AIG1: variants seen among roughly 807,000 people sequenced by gnomAD.
AIG1 encodes androgen induced 1.
In AIG1, 23 loss-of-function variants were observed where a neutral mutation model predicts 31.4. That is an observed-to-expected ratio of 0.73 (90% CI 0.53 to 1.04). The LOEUF is 1.04. Among genes scored for constraint, AIG1 ranks in the 50% least tolerant of loss-of-function variants. The pLI is 0.00. For missense variants in AIG1, 274 were observed against 295.0 expected (o/e 0.93, Z 0.52); for synonymous variants, 100 against 110.5 (o/e 0.90, Z 0.60).
chr6:143,206,938 G>A (rs1219525590), intron 3 of AIG1, among the ~76,000 whole-genome samples: 4 of 152,080 alleles, frequency 2.6e-5, no homozygotes, highest in African/African-American at 9.7e-5. Flanking sequence ...AAAATAGAAG[G>A]CATTTCTCTT....
chr6:143,182,713 A>C (rs764890522), intron 3 of AIG1, among the ~76,000 whole-genome samples: 1 of 152,230 alleles, frequency 6.6e-6, no homozygotes, highest in Non-Finnish European at 1.5e-5. Context: ...TGGAATTTCC[A>C]TAGGGTAGGG....
In AIG1 at chr6:143,060,892, C is replaced by T. The variant is rs202230415; in HGVS notation, c.-34C>T. ...CGGCGCCTCCCTCACGCCCGCCCTC[C>T]TTGCCGCCCAGCCGGTCCAGGCCTC... is the stretch of plus-strand genomic sequence containing the variant. On this transcript the variant is annotated 5_prime_UTR_variant, in exon 1 of 6. Coordinates refer to ENST00000357847, the MANE Select transcript of AIG1 (RefSeq NM_016108.4). The T allele has an allele frequency of 1.5e-3, 2,180 of 1,426,262 alleles. 44 individuals carry two copies. The South Asian group carries it at 0.02, about 13-fold the overall frequency. 88.4% of individuals were successfully genotyped at this position (1,426,262 alleles called of 1,614,324 possible).
rs116040181 is a variant in AIG1 at position 143,258,138 on chromosome 6, G to A, written c.400-25972G>A. ...CTAGGTATCCCTACTGACAAAGGCCGGACATTTCTCACTAGAATTAACCAT... is the reference window on the plus strand; with the variant it reads ...CTAGGTATCCCTACTGACAAAGGCCAGACATTTCTCACTAGAATTAACCAT... On this transcript the variant is annotated intron_variant, in intron 3 of 5. Transcript: ENST00000357847. This position sits in a 1 kb window ranked among gnomAD's most constrained non-coding sequence, Gnocchi z 4.7. Among the ~76,000 whole-genome samples, 1,087 of 152,226 alleles carry A rather than the reference G, an allele frequency of 7.1e-3. 8 individuals are homozygous for A. Among genetic ancestry groups the A allele is most frequent in the African/African-American group, 0.025 (1,020 of 41,532 alleles).
intron 2 of AIG1, among the ~76,000 whole-genome samples, chr6:143,160,219 G>T (rs1407952074): frequency 6.6e-6 from 1 of 152,000 alleles, no homozygotes; most frequent in Non-Finnish European, 1.5e-5. Flanking sequence ...CTTCTTCATG[G>T]CGAATTTCTC....
At chr6:143,067,959 G>T (rs1408113818) in intron 1 of AIG1, among the ~76,000 whole-genome samples, 1 of 152,158 alleles carries the variant, frequency 6.6e-6, no homozygotes, top group African/African-American at 2.4e-5. Context: ...AGAATTGTGA[G>T]AATAATGCTT....
chr6:143,239,965 G>A (rs1460291661), intron 3 of AIG1, among the ~76,000 whole-genome samples: 1 of 152,208 alleles, frequency 6.6e-6, no homozygotes, highest in East Asian at 1.9e-4. Context: ...TAACACTAGA[G>A]GTTCCAGGTA....
intron 3 of AIG1, among the ~76,000 whole-genome samples, chr6:143,264,925 T>C (rs1446261800): frequency 1.3e-5 from 2 of 152,222 alleles, no homozygotes; most frequent in Non-Finnish European, 2.9e-5. Context: ...TACTGACATT[T>C]GCAGCTTCGC....
At chr6:143,267,594 C>G (rs757894680) in intron 3 of AIG1, among the ~76,000 whole-genome samples, 2 of 152,132 alleles carry the variant, frequency 1.3e-5, no homozygotes, top group Admixed American at 1.3e-4. Context: ...ATTCTTGAAG[C>G]TGAAAAGATT....
intron 3 of AIG1, among the ~76,000 whole-genome samples, chr6:143,238,679 C>T (rs1015837586): frequency 5.9e-5 from 9 of 152,234 alleles, no homozygotes; most frequent in African/African-American, 2.2e-4. Flanking sequence ...GACACGCTAG[C>T]AATGGCCATT....
chr6:143,322,846 G>A (rs956709503), intron 4 of AIG1, among the ~76,000 whole-genome samples: 3 of 152,206 alleles, frequency 2.0e-5, no homozygotes, highest in Admixed American at 1.3e-4. Context: ...GGGATGGGCG[G>A]AGGGACTTGT....
At chr6:143,210,768 A>T (rs1791524328) in intron 3 of AIG1, among the ~76,000 whole-genome samples, 1 of 152,180 alleles carries the variant, frequency 6.6e-6, no homozygotes, top group Admixed American at 6.5e-5. Context: ...AGAGAAACCA[A>T]CATGGCAGAG....
At chr6:143,189,195 C>A in intron 3 of AIG1, 1 of 407,812 alleles carries the variant, frequency 2.5e-6, no homozygotes, top group African/African-American at 2.2e-5. Context: ...AGATGTGGAC[C>A]ACCACCCCTG....
At chr6:143,210,500 A>G (rs575601535) in intron 3 of AIG1, among the ~76,000 whole-genome samples, 2 of 152,364 alleles carry the variant, frequency 1.3e-5, no homozygotes, top group Non-Finnish European at 2.9e-5. Context: ...CTGAAGGAGT[A>G]GTAGATGTAC....
chr6:143,117,944 G>A (rs1179340274), intron 1 of AIG1, among the ~76,000 whole-genome samples: 1 of 152,110 alleles, frequency 6.6e-6, no homozygotes, highest in Non-Finnish European at 1.5e-5. Context: ...TTCCTATCAG[G>A]GATTGGATTG....
chr6:143,167,352 G>C (rs964705726), intron 3 of AIG1, among the ~76,000 whole-genome samples: 8 of 152,160 alleles, frequency 5.3e-5, no homozygotes, highest in African/African-American at 1.9e-4. Context: ...CAAATTGTGA[G>C]TATTAAAGGG....
chr6:143,080,710 G>C (rs887801440), intron 1 of AIG1, among the ~76,000 whole-genome samples: 3 of 152,130 alleles, frequency 2.0e-5, no homozygotes, highest in African/African-American at 7.2e-5. Context: ...AGCAGGCGCA[G>C]ATCCTCTAGA....
intron 1 of AIG1, among the ~76,000 whole-genome samples, chr6:143,130,030 A>G (rs1292386770): frequency 6.7e-6 from 1 of 150,190 alleles, no homozygotes; most frequent in Admixed American, 6.7e-5. Context: ...TCCTGGGTTC[A>G]AGTGATTCTC....
chr6:143,300,473 A>G (rs1326861671), intron 4 of AIG1, among the ~76,000 whole-genome samples: 1 of 152,232 alleles, frequency 6.6e-6, no homozygotes, highest in African/African-American at 2.4e-5. Context: ...GTAGAAAAGA[A>G]TAAGTTACCA....
intron 1 of AIG1, among the ~76,000 whole-genome samples, chr6:143,069,889 T>G (rs1777093292): frequency 6.6e-6 from 1 of 152,200 alleles, no homozygotes; most frequent in South Asian, 2.1e-4. Context: ...TATAATCCTT[T>G]TTTTCTGGTA....
Sources: allele counts gnomAD v4.1 joint callset (sites outside exome capture counted in the v4.1 genomes callset), GRCh38; gene constraint gnomAD v4.1.1; non-coding constraint Gnocchi (gnomAD v3.1); transcripts MANE v1.5; gene names NCBI Gene and HGNC (gene_info 2026-07-23, HGNC 2026-07-21).